SNTG1: variants seen among roughly 807,000 people sequenced by gnomAD.
The protein encoded by SNTG1 is gamma-1-syntrophin.
In SNTG1, 39 loss-of-function variants were observed where a neutral mutation model predicts 74.7. The observed-to-expected ratio is 0.52, with a 90% CI of 0.40 to 0.68. The LOEUF (loss-of-function observed/expected upper bound fraction) is 0.68, where lower values mean the gene tolerates loss of function less well. SNTG1 is among the 30% of genes least tolerant of loss of function. SNTG1 has a pLI of 0.00. For synonymous variants in SNTG1, 254 were observed against 217.1 expected (o/e 1.17, Z -1.49); for missense variants, 685 against 609.5 (o/e 1.12, Z -1.30).
intron 2 of SNTG1, among the ~76,000 whole-genome samples, chr8:50,325,159 G>A (rs888400988): frequency 1.3e-5 from 2 of 151,210 alleles, no homozygotes; most frequent in Non-Finnish European, 3.0e-5. Context: ...GGCAGTGTCA[G>A]TCAATCCTTC....
At chr8:50,750,166 A>C (rs1189298398) in intron 17 of SNTG1, among the ~76,000 whole-genome samples, 3 of 152,084 alleles carry the variant, frequency 2.0e-5, no homozygotes, top group South Asian at 2.1e-4. Context: ...AGACTTGGAG[A>C]GGTTCAGGAC....
chr8:50,040,124 A>AAG (rs1818511298), intron 1 of SNTG1, among the ~76,000 whole-genome samples: 1 of 152,124 alleles, frequency 6.6e-6, no homozygotes, highest in African/African-American at 2.4e-5. Context: ...GGAGTTTAGA[A>AAG]CACCACTGAC....
At chr8:49,971,486 T>C (rs2096353734) in intron 1 of SNTG1, among the ~76,000 whole-genome samples, 1 of 152,130 alleles carries the variant, frequency 6.6e-6, no homozygotes, top group African/African-American at 2.4e-5. Context: ...ACCACTCCTA[T>C]TCAACATAGT....
intron 1 of SNTG1, among the ~76,000 whole-genome samples, chr8:50,046,572 C>T (rs954641430): frequency 2.6e-5 from 4 of 152,208 alleles, no homozygotes; most frequent in Non-Finnish European, 4.4e-5. Context: ...CCCATTCTAG[C>T]GTGAATTTAT....
At chr8:50,557,585 C>T (rs1233630038) in intron 12 of SNTG1, among the ~76,000 whole-genome samples, 1 of 152,194 alleles carries the variant, frequency 6.6e-6, no homozygotes, top group Non-Finnish European at 1.5e-5. Flanking sequence ...CCACATCACA[C>T]TGACCTCCGC....
intron 2 of SNTG1, among the ~76,000 whole-genome samples, chr8:50,329,675 A>G (rs1190675965): frequency 1.3e-5 from 2 of 151,970 alleles, no homozygotes; most frequent in African/African-American, 4.8e-5. Flanking sequence ...CTAGACTTCC[A>G]TGCCTGCAAT....
chr8:50,398,474 T>A (rs765822291), intron 3 of SNTG1, among the ~76,000 whole-genome samples: 20 of 152,216 alleles, frequency 1.3e-4, no homozygotes, highest in Non-Finnish European at 2.5e-4. Context: ...ATGACATTTG[T>A]TCCTCTAATG....
chr8:50,570,831 A>G (rs976828996), intron 12 of SNTG1, among the ~76,000 whole-genome samples: 4 of 151,118 alleles, frequency 2.6e-5, no homozygotes, highest in African/African-American at 9.7e-5. Flanking sequence ...GTCTCAATCT[A>G]TTGACCTTGT....
intron 8 of SNTG1, among the ~76,000 whole-genome samples, chr8:50,476,857 G>GACACAGACACAC (rs1554540526): frequency 6.9e-6 from 1 of 145,862 alleles, no homozygotes; most frequent in Non-Finnish European, 1.5e-5. Context: ...GACACACACA[G>GACACAGACACAC]ACACACACAC....
At chr8:50,052,649 A>C (rs1819674954) in intron 1 of SNTG1, among the ~76,000 whole-genome samples, 1 of 152,160 alleles carries the variant, frequency 6.6e-6, no homozygotes, top group South Asian at 2.1e-4. Flanking sequence ...AAATTAGATA[A>C]ACTATTTGTC....
intron 11 of SNTG1, among the ~76,000 whole-genome samples, chr8:50,548,367 A>G (rs990643369): frequency 6.6e-6 from 1 of 152,182 alleles, no homozygotes; most frequent in African/African-American, 2.4e-5. Flanking sequence ...CAGAAAAATA[A>G]TAAGGTAATT....
intron 2 of SNTG1, among the ~76,000 whole-genome samples, chr8:50,267,980 G>C (rs2087567913): frequency 1.3e-5 from 2 of 152,100 alleles, no homozygotes; most frequent in African/African-American, 4.8e-5. Context: ...AACTATTCCT[G>C]TTTACCAATG....
At chr8:50,061,898 G>A (rs1820505202) in intron 1 of SNTG1, among the ~76,000 whole-genome samples, 1 of 152,010 alleles carries the variant, frequency 6.6e-6, no homozygotes, top group African/African-American at 2.4e-5. Context: ...CTTGGTGAAT[G>A]CTTCTTGTCT....
chr8:50,276,783 G>A (rs1183414138), intron 2 of SNTG1, among the ~76,000 whole-genome samples: 1 of 152,116 alleles, frequency 6.6e-6, no homozygotes, highest in African/African-American at 2.4e-5. Flanking sequence ...AACACAGTGA[G>A]ACCTCACCTG....
chr8:50,225,214 C>T (rs1167446828), intron 2 of SNTG1, among the ~76,000 whole-genome samples: 1 of 152,048 alleles, frequency 6.6e-6, no homozygotes, highest in Non-Finnish European at 1.5e-5. Context: ...CCTCGTGATC[C>T]ACCCACCTCA....
chr8:50,101,466 A>G (rs757166463), intron 1 of SNTG1, among the ~76,000 whole-genome samples: 9 of 151,942 alleles, frequency 5.9e-5, no homozygotes, highest in Non-Finnish European at 1.0e-4. Flanking sequence ...TTTAATAATA[A>G]CCATCTGGCT....
chr8:50,254,963 T>C (rs1199231126), intron 2 of SNTG1, among the ~76,000 whole-genome samples: 1 of 149,368 alleles, frequency 6.7e-6, no homozygotes, highest in African/African-American at 2.4e-5. Flanking sequence ...TTTTTTTTTT[T>C]TTTTTTTTTG....
intron 1 of SNTG1, among the ~76,000 whole-genome samples, chr8:50,162,820 T>C (rs2082471514): frequency 6.6e-6 from 1 of 152,152 alleles, no homozygotes. Context: ...CTGCTGTTCC[T>C]GGAGGTAAAC....
In SNTG1 at chr8:50,235,190, A is replaced by G. The variant is rs532227820; in HGVS notation, c.-28+62555A>G. On this transcript the variant is annotated intron_variant, in intron 2 of 18. Transcript: ENST00000642720. ...TCATAATAGCCAAGACATGGAAGTA[A>G]CATACGTGACCACCAACAAATGAAT... Among the ~76,000 whole-genome samples the G allele has an allele frequency of 2.0e-5, 3 of 152,312 alleles. No homozygotes were observed. The South Asian group carries it at 6.2e-4, about 32-fold the overall frequency.
Sources: gnomAD v4.1 joint callset for allele counts (sites outside exome capture counted in the v4.1 genomes callset) on GRCh38, gnomAD v4.1.1 for gene constraint, MANE v1.5 for transcripts, NCBI Gene and HGNC (gene_info 2026-07-23, HGNC 2026-07-21) for gene names.